LARP1: variants seen among roughly 807,000 people sequenced by gnomAD.
LARP1 encodes La ribonucleoprotein 1, translational regulator.
LARP1 carries 36 observed loss-of-function variants against 122.7 expected under a neutral mutation model. That is an observed-to-expected ratio of 0.29 (90% CI 0.22 to 0.39). The LOEUF (loss-of-function observed/expected upper bound fraction) is 0.39, where lower values mean the gene tolerates loss of function less well. Ranked by LOEUF, LARP1 falls within the 10% of genes least tolerant of loss-of-function variation. LARP1 has a pLI of 1.00. For missense variants in LARP1, 1,040 were observed against 1,403.6 expected, an observed-to-expected ratio of 0.74 and a Z score of 4.14; for synonymous variants, 539 against 528.7, an observed-to-expected ratio of 1.02 and a Z score of -0.27.
intron 1 of LARP1, among the ~76,000 whole-genome samples, chr5:154,701,256 C>G (rs1235036816): frequency 6.6e-6 from 1 of 152,198 alleles, no homozygotes; most frequent in African/African-American, 2.4e-5. Context: ...CCCCATTGCC[C>G]TCTGGGAATC....
chr5:154,709,010 T>C (rs1478904825), upstream of LARP1, among the ~76,000 whole-genome samples: 13 of 152,326 alleles, frequency 8.5e-5, no homozygotes, highest in East Asian at 2.1e-3. Flanking sequence ...TCAACCTGGA[T>C]TGCGTACCAC....
rs376516672 is a variant in LARP1 at position 154,756,395 on chromosome 5, C to G, written c.436+202C>G. On this transcript the variant is annotated intron_variant, in intron 1 of 18. Transcript: ENST00000518297. ...AGGGACCTGCCCCTGCCCGAGGGCC[C>G]GGCCTCCGGGAGGCTACGGCCACCG... The G allele has an allele frequency of 3.6e-5, 36 of 991,270 alleles. No homozygotes were observed. In the South Asian group the frequency reaches 8.4e-4, roughly 23 times the overall value. The allele number at this position is 991,270 out of a possible 1,614,324, so 61.4% of individuals were successfully genotyped here.
chr5:154,793,740 A>C lies in LARP1; in HGVS notation c.868+17A>C. 1 of 1,614,108 alleles carries C rather than the reference A, an allele frequency of 6.2e-7. No individual in the cohort carries two copies. The highest frequency in any genetic ancestry group is 8.5e-7 in the Non-Finnish European group (1 of 1,179,990). ...AGATCAAAGGTATGCACTACCCACT[A>C]TGGAGGGCCTGGACTTGGGAGACAC... On this transcript the variant is annotated intron_variant, in intron 5 of 18. Coordinates refer to ENST00000518297, the MANE Select transcript of LARP1 (RefSeq NM_033551.3).
chr5:154,775,790 G>C (rs1056540563), intron 1 of LARP1, among the ~76,000 whole-genome samples: 3 of 152,150 alleles, frequency 2.0e-5, no homozygotes, highest in African/African-American at 7.2e-5. Flanking sequence ...TGCTGAGAGG[G>C]GTTTGGGGTA....
chr5:154,719,728 G>A (rs1755739581), intron 1 of LARP1, among the ~76,000 whole-genome samples: 1 of 151,980 alleles, frequency 6.6e-6, no homozygotes, highest in Non-Finnish European at 1.5e-5. Flanking sequence ...TGGACACGGT[G>A]GCACATGCCT....
At chr5:154,790,301 A>C in intron 1 of LARP1, 24 bp from the exon 2 acceptor site, 1 of 1,607,448 alleles carries the variant, frequency 6.2e-7, no homozygotes. Context: ...TTGCATTACT[A>C]ACTCTCCCTT....
At chr5:154,756,797 C>G (rs899213931) in intron 1 of LARP1, among the ~76,000 whole-genome samples, 1 of 152,026 alleles carries the variant, frequency 6.6e-6, no homozygotes, top group African/African-American at 2.4e-5. Context: ...GAGAAGAAAC[C>G]CATCGTGTCA....
chr5:154,797,135 A>T (rs1757926135), intron 8 of LARP1, among the ~76,000 whole-genome samples: 1 of 148,626 alleles, frequency 6.7e-6, no homozygotes, highest in Admixed American at 6.8e-5. Context: ...CTTTATTGCT[A>T]CTTGGTTGGT....
chr5:154,761,115 C>T (rs1479273683), intron 1 of LARP1, among the ~76,000 whole-genome samples: 1 of 152,246 alleles, frequency 6.6e-6, no homozygotes, highest in Non-Finnish European at 1.5e-5. Flanking sequence ...ACTTTCTCTT[C>T]TTCTAAGGAA....
intron 14 of LARP1, 105 bp downstream of exon 14, chr5:154,804,412 C>A: frequency 1.2e-6 from 1 of 859,556 alleles, no homozygotes; most frequent in Non-Finnish European, 1.9e-6. Flanking sequence ...TTAAAGGGAC[C>A]CTCATCTAAG....
At chr5:154,749,571 C>T (rs1160713745) in intron 1 of LARP1, among the ~76,000 whole-genome samples, 1 of 152,186 alleles carries the variant, frequency 6.6e-6, no homozygotes, top group East Asian at 1.9e-4. Context: ...AGGAGGAGAT[C>T]CTGGCTGAGC....
chr5:154,795,916 ATATATT>A (rs892250245), intron 8 of LARP1, among the ~76,000 whole-genome samples: 10 of 120,432 alleles, frequency 8.3e-5, no homozygotes, highest in South Asian at 6.9e-4. Flanking sequence ...TATATTTATT[ATATATT>A]TATATTTATA....
At chr5:154,805,011 T>C (rs372631081) in intron 14 of LARP1, 133 of 431,544 alleles carry the variant, frequency 3.1e-4, no homozygotes, top group African/African-American at 1.9e-3. Context: ...CCAGAAGCCT[T>C]ACCAATAACA....
rs77615467 is a variant in LARP1, at chr5:154,757,500, T to A, written c.436+1307T>A. On this transcript the variant is annotated intron_variant, in intron 1 of 18. Transcript: ENST00000518297. ...CGTTTGTGGTGGGTCGGTTTTAAAA[T>A]TGTCTTGCAGTTGGAATGATGGCCT... 5.1e-3 allele frequency among the ~76,000 whole-genome samples: 771 copies of A among 151,910 alleles called. 2 individuals are homozygous for A. Among genetic ancestry groups the A allele is most frequent in the African/African-American group, 0.018 (726 of 41,432 alleles).
chr5:154,731,040 G>A (rs1301316313), intron 1 of LARP1, among the ~76,000 whole-genome samples: 3 of 151,780 alleles, frequency 2.0e-5, no homozygotes, highest in Non-Finnish European at 2.9e-5. Context: ...GGCCAGGCTG[G>A]TCTTCAACTC....
chr5:154,808,442 C>G lies in LARP1; in HGVS notation c.2699-17C>G, dbSNP rs1287607868. On this transcript the variant is annotated splice_polypyrimidine_tract_variant and intron_variant, in intron 15 of 18. Transcript: ENST00000518297. The stretch of plus-strand genomic sequence containing the variant: ...CCTGAACCTGAGACATGCCTTTCCT[C>G]CTTTCTTTCCCATCAGAGCGGAAAC... 6.2e-7 allele frequency: 1 copy of G among 1,609,060 alleles called. No homozygotes were observed. Among genetic ancestry groups the G allele is most frequent in the Non-Finnish European group, 8.5e-7 (1 of 1,178,088 alleles).
chr5:154,792,873 G>A (rs1223738191), intron 4 of LARP1, 77 bp downstream of exon 4: 2 of 1,467,556 alleles, frequency 1.4e-6, no homozygotes, highest in East Asian at 2.3e-5. Context: ...GGGGACTGCT[G>A]GAGGAGCTTT....
In LARP1 at chr5:154,786,345, T is replaced by A. The variant is rs111995622; in HGVS notation, c.437-3980T>A. 1,333 of 397,748 alleles carry A rather than the reference T, an allele frequency of 3.4e-3. 15 individuals carry two copies. The highest frequency in any genetic ancestry group is 0.025 in the African/African-American group (1,222 of 48,218). 24.6% of individuals were successfully genotyped at this position (397,748 alleles called of 1,614,324 possible). A position where few individuals can be genotyped will look rare whatever the true frequency, so the allele number is the denominator to read the frequency against. The stretch of plus-strand genomic sequence containing the variant: ...CATGAGCCACTGCACCCGGCTGGTA[T>A]GCTTCATTTTTAACAAAGGCTTGTG... On this transcript the variant is annotated intron_variant, in intron 1 of 18. Coordinates refer to ENST00000518297, the MANE Select transcript of LARP1 (RefSeq NM_033551.3).
Position 154,813,872 on chromosome 5 carries a change from CT to C in LARP1, c.3082-13del. The C allele has an allele frequency of 6.2e-7, 1 of 1,611,474 alleles. No individual in the cohort carries two copies. The highest frequency in any genetic ancestry group is 8.5e-7 in the Non-Finnish European group (1 of 1,178,330). ...TAGTGCTTCTGATCACCTGTGACTCCTTCCTCTGTTGCAGCCCCCCATGGGT... is the reference window on the plus strand; with the variant it reads ...TAGTGCTTCTGATCACCTGTGACTCCTCCTCTGTTGCAGCCCCCCATGGGT... On this transcript the variant is annotated splice_polypyrimidine_tract_variant and intron_variant, in intron 18 of 18. Coordinates refer to ENST00000518297, the MANE Select transcript of LARP1 (RefSeq NM_033551.3).
Sources: allele counts gnomAD v4.1 joint callset (sites outside exome capture counted in the v4.1 genomes callset), GRCh38; gene constraint gnomAD v4.1.1; transcripts MANE v1.5; gene names NCBI Gene and HGNC (gene_info 2026-07-23, HGNC 2026-07-21).